The following PIBF1 variants were observed in gnomAD, a reference collection of about 807,000 sequenced individuals.
PIBF1 encodes progesterone-induced-blocking factor 1.
A neutral mutation model predicts 112.5 loss-of-function variants in PIBF1; 90 were observed. The ratio of observed to expected loss-of-function variants is 0.80; its 90% CI spans 0.67 to 0.95. The LOEUF (loss-of-function observed/expected upper bound fraction) is 0.95. PIBF1 is among the 40% of genes least tolerant of loss of function. The probability of loss-of-function intolerance (pLI) is 0.00; values close to 1 mark genes in which losing one functional copy is unlikely to be tolerated. For synonymous variants in PIBF1, 301 were observed against 288.6 expected (o/e 1.04, Z -0.44); for missense variants, 915 against 852.3 (o/e 1.07, Z -0.92).
intron 11 of PIBF1, among the ~76,000 whole-genome samples, chr13:72,901,737 G>A (rs530336820): frequency 1.1e-4 from 17 of 151,890 alleles, no homozygotes; most frequent in African/African-American, 4.1e-4. Context: ...CGGCGATCAG[G>A]GAACACTTCT....
chr13:72,873,503 A>G (rs1300411353), intron 10 of PIBF1, among the ~76,000 whole-genome samples: 1 of 152,038 alleles, frequency 6.6e-6, no homozygotes, highest in Non-Finnish European at 1.5e-5. Context: ...CCCCAGTTCA[A>G]GTGATTCTCC....
Position 72,924,774 on chromosome 13 carries a change from C to G in PIBF1, c.1731-6391C>G, listed in dbSNP as rs1470752088. Among the ~76,000 whole-genome samples, 8 of 151,808 alleles carry G rather than the reference C, an allele frequency of 5.3e-5. No homozygotes were observed. The East Asian group carries it at 1.3e-3, about 26-fold the overall frequency. On this transcript the variant is annotated intron_variant, in intron 13 of 17. Transcript: ENST00000326291. ...CTCTGATAAGCTCTACAGTTAGATACCACAGGGGATAAGACTCCTGTCATT... is the reference window on the plus strand; with the variant it reads ...CTCTGATAAGCTCTACAGTTAGATAGCACAGGGGATAAGACTCCTGTCATT...
chr13:72,967,810 G>C (rs1386755361), intron 15 of PIBF1, among the ~76,000 whole-genome samples: 1 of 152,062 alleles, frequency 6.6e-6, no homozygotes, highest in Non-Finnish European at 1.5e-5. Context: ...ATTCAACTCA[G>C]TACTTAGTTT....
chr13:72,992,466 A>T (rs1272516439), intron 16 of PIBF1, among the ~76,000 whole-genome samples: 1 of 152,126 alleles, frequency 6.6e-6, no homozygotes, highest in Non-Finnish European at 1.5e-5. Flanking sequence ...TGAGAACCTT[A>T]GGGTAAATCC....
At chr13:72,824,429 T>G (rs777715533) in intron 6 of PIBF1, among the ~76,000 whole-genome samples, 3 of 152,156 alleles carry the variant, frequency 2.0e-5, no homozygotes, top group Non-Finnish European at 4.4e-5. Context: ...AATAATGAAT[T>G]ACAGTCCATT....
chr13:72,859,303 G>A (rs1171487710), intron 10 of PIBF1, among the ~76,000 whole-genome samples: 1 of 152,020 alleles, frequency 6.6e-6, no homozygotes, highest in East Asian at 1.9e-4. Context: ...AGTTAGATAG[G>A]GAACAAGGGA....
At chr13:72,961,463 A>G (rs1191451292) in intron 14 of PIBF1, among the ~76,000 whole-genome samples, 2 of 152,184 alleles carry the variant, frequency 1.3e-5, no homozygotes, top group Non-Finnish European at 2.9e-5. Context: ...CATTTGAGGA[A>G]AAAAATACAA....
chr13:72,906,398 G>A (rs2040705771), intron 11 of PIBF1, among the ~76,000 whole-genome samples: 1 of 151,950 alleles, frequency 6.6e-6, no homozygotes. Context: ...ATATTTAATG[G>A]ATTCCTAAAA....
chr13:72,970,606 A>T (rs1391089554), intron 15 of PIBF1: 1 of 152,220 alleles, frequency 6.6e-6, no homozygotes, highest in Non-Finnish European at 1.5e-5. Flanking sequence ...AGTGAATTTA[A>T]CAATTATGGG....
At chr13:72,902,537 A>G (rs1473392532) in intron 11 of PIBF1, among the ~76,000 whole-genome samples, 1 of 152,192 alleles carries the variant, frequency 6.6e-6, no homozygotes, top group Non-Finnish European at 1.5e-5. Context: ...TAAACCCCCA[A>G]AATAAAATGG....
chr13:72,797,615 T>C (rs2035258011), intron 4 of PIBF1, among the ~76,000 whole-genome samples: 1 of 152,152 alleles, frequency 6.6e-6, no homozygotes, highest in Non-Finnish European at 1.5e-5. Flanking sequence ...TTCCAGAAGT[T>C]TACAAGCACC....
intron 5 of PIBF1, 57 bp downstream of exon 5, chr13:72,798,083 C>G: frequency 6.6e-7 from 1 of 1,526,236 alleles, no homozygotes. Flanking sequence ...TGTAGAGTCC[C>G]TCAGGATTTG....
intron 5 of PIBF1, among the ~76,000 whole-genome samples, chr13:72,806,773 G>A (rs1331666561): frequency 1.3e-5 from 2 of 152,100 alleles, no homozygotes; most frequent in Non-Finnish European, 2.9e-5. Context: ...TCATTGATGG[G>A]CATTTGGGTT....
At chr13:72,814,190 C>T (rs921409790) in intron 5 of PIBF1, among the ~76,000 whole-genome samples, 8 of 152,230 alleles carry the variant, frequency 5.3e-5, no homozygotes, top group African/African-American at 1.7e-4. Context: ...GTAATCCCAG[C>T]GCTCTAGGAG....
At chr13:72,786,615 G>C (rs1419162792) in intron 2 of PIBF1, among the ~76,000 whole-genome samples, 1 of 152,164 alleles carries the variant, frequency 6.6e-6, no homozygotes, top group Non-Finnish European at 1.5e-5. Flanking sequence ...TAGGCATCCA[G>C]ATTGCCTCCA....
chr13:72,893,000 G>A (rs1001707663), intron 10 of PIBF1, among the ~76,000 whole-genome samples: 8 of 152,032 alleles, frequency 5.3e-5, no homozygotes, highest in African/African-American at 1.9e-4. Flanking sequence ...ACCTTACCTA[G>A]CATACTGACT....
intron 5 of PIBF1, among the ~76,000 whole-genome samples, chr13:72,810,018 T>A (rs1228548891): frequency 6.6e-6 from 1 of 152,232 alleles, no homozygotes; most frequent in Non-Finnish European, 1.5e-5. Flanking sequence ...TAGATACTAT[T>A]ATAACACTGG....
At chr13:72,892,930 G>A (rs1594136967) in intron 10 of PIBF1, among the ~76,000 whole-genome samples, 1 of 152,138 alleles carries the variant, frequency 6.6e-6, no homozygotes, top group Non-Finnish European at 1.5e-5. Context: ...TTATTTGCCT[G>A]TTTTCCCCAG....
intron 2 of PIBF1, among the ~76,000 whole-genome samples, chr13:72,786,619 G>A (rs1167199586): frequency 6.6e-6 from 1 of 152,130 alleles, no homozygotes; most frequent in Admixed American, 6.5e-5. Flanking sequence ...CATCCAGATT[G>A]CCTCCAGCTC....
Sources: allele counts gnomAD v4.1 joint callset (sites outside exome capture counted in the v4.1 genomes callset), GRCh38; gene constraint gnomAD v4.1.1; transcripts MANE v1.5; gene names NCBI Gene and HGNC (gene_info 2026-07-23, HGNC 2026-07-21).